The following ADGRL2 variants were observed in gnomAD, a reference collection of about 807,000 sequenced individuals.
The protein encoded by ADGRL2 is adhesion G protein-coupled receptor L2.
Under a neutral mutation model 157.4 loss-of-function variants are expected in ADGRL2, and 44 were observed. The observed-to-expected ratio is 0.28, with a 90% CI of 0.22 to 0.36. The LOEUF is 0.36. ADGRL2 is among the 10% of genes least tolerant of loss of function. The probability of loss-of-function intolerance (pLI) is 1.00; values close to 1 mark genes in which losing one functional copy is unlikely to be tolerated. For synonymous variants in ADGRL2, 585 were observed against 624.7 expected (o/e 0.94, Z 0.95); for missense variants, 1,510 against 1,768.9 (o/e 0.85, Z 2.63).
chr1:81,698,821 G>T (rs1189253487), upstream of ADGRL2, among the ~76,000 whole-genome samples: 2 of 152,030 alleles, frequency 1.3e-5, no homozygotes, highest in Non-Finnish European at 2.9e-5. Context: ...TCTAAAATCT[G>T]GTCTTGCTTC....
chr1:81,620,445 A>T (rs1171485910), intron 3 of ADGRL2, among the ~76,000 whole-genome samples: 2 of 152,264 alleles, frequency 1.3e-5, no homozygotes, highest in African/African-American at 2.4e-5. Flanking sequence ...ATGAAAGCAC[A>T]TGTAATACAC....
At chr1:81,387,978 A>G (rs2076467343) in intron 1 of ADGRL2, among the ~76,000 whole-genome samples, 1 of 151,876 alleles carries the variant, frequency 6.6e-6, no homozygotes, top group South Asian at 2.1e-4. Context: ...TCTCTGGCCT[A>G]CCATCATCAA....
intron 1 of ADGRL2, among the ~76,000 whole-genome samples, chr1:81,733,729 T>C (rs536648382): frequency 5.9e-5 from 9 of 152,286 alleles, no homozygotes; most frequent in African/African-American, 1.9e-4. Context: ...CTAATAGCTC[T>C]GTGCACTTGG....
At chr1:81,459,282 C>T (rs559500981) in intron 2 of ADGRL2, among the ~76,000 whole-genome samples, 5 of 152,140 alleles carry the variant, frequency 3.3e-5, no homozygotes, top group Non-Finnish European at 7.4e-5. Flanking sequence ...CCATCCCTGT[C>T]TGCCTAGGAA....
intron 1 of ADGRL2, among the ~76,000 whole-genome samples, chr1:81,376,609 A>C: frequency 8.4e-5 from 11 of 130,932 alleles, no homozygotes; most frequent in East Asian, 2.2e-4. Context: ...CTTTCCTCCC[A>C]TCCCTCTCTC....
intron 3 of ADGRL2, among the ~76,000 whole-genome samples, chr1:81,657,490 C>T (rs2082560664): frequency 1.3e-5 from 2 of 152,254 alleles, no homozygotes; most frequent in Non-Finnish European, 2.9e-5. Flanking sequence ...AACTAAGACA[C>T]ATGGCATATA....
At chr1:81,510,636 A>T (rs980271837) in intron 2 of ADGRL2, among the ~76,000 whole-genome samples, 3 of 152,238 alleles carry the variant, frequency 2.0e-5, no homozygotes, top group African/African-American at 7.2e-5. Context: ...CTATTATTAG[A>T]CATAGATTAT....
intron 17 of ADGRL2, among the ~76,000 whole-genome samples, chr1:81,977,177 C>T (rs1354063070): frequency 1.3e-5 from 2 of 151,796 alleles, no homozygotes; most frequent in African/African-American, 4.8e-5. Context: ...TATACAAGTG[C>T]TGCCTGCTAC....
At chr1:81,880,393 A>G (rs1287378737) in intron 2 of ADGRL2, among the ~76,000 whole-genome samples, 2 of 152,198 alleles carry the variant, frequency 1.3e-5, no homozygotes, top group Non-Finnish European at 2.9e-5. Flanking sequence ...TTTCTTAGAA[A>G]GTAATTTTAA....
intron 1 of ADGRL2, among the ~76,000 whole-genome samples, chr1:81,378,039 C>T (rs2076279840): frequency 1.3e-5 from 2 of 151,964 alleles, no homozygotes; most frequent in South Asian, 2.1e-4. Context: ...ATTAGCTGGG[C>T]GTGGTGGTGC....
At chr1:81,307,207 A>G (rs1659402524) in intron 1 of ADGRL2, among the ~76,000 whole-genome samples, 1 of 152,220 alleles carries the variant, frequency 6.6e-6, no homozygotes, top group South Asian at 2.1e-4. Context: ...TTTGTATAAC[A>G]CTGTTTGAGA....
At position 81,754,754 on chromosome 1, in the gene ADGRL2, G is replaced by A. The variant is rs187919186; in HGVS notation, c.-142-7057G>A. On this transcript the variant is annotated intron_variant, in intron 1 of 20. Coordinates refer to the ADGRL2 transcript ENST00000359929. ...TTTCTTTCAATAACACAGTGTAGTA[G>A]GTTCAACATGCAACTTTCTTGCTTT... 6.2e-5 allele frequency among the ~76,000 whole-genome samples: 9 copies of A among 145,432 alleles called. No individual in the cohort carries two copies. In the East Asian group the frequency reaches 1.9e-3, roughly 31 times the overall value.
intron 2 of ADGRL2, among the ~76,000 whole-genome samples, chr1:81,776,141 A>C (rs1389095275): frequency 9.9e-5 from 15 of 151,918 alleles, no homozygotes. Context: ...AATTCTGACT[A>C]TAAGTGGTTG....
chr1:81,711,579 G>T (rs1375956137), intron 1 of ADGRL2, among the ~76,000 whole-genome samples: 1 of 152,108 alleles, frequency 6.6e-6, no homozygotes, highest in African/African-American at 2.4e-5. Context: ...TTTGTTTGTT[G>T]TTTGTTTTGT....
chr1:81,781,515 T>C (rs1031921461), intron 2 of ADGRL2, among the ~76,000 whole-genome samples: 1 of 152,206 alleles, frequency 6.6e-6, no homozygotes, highest in South Asian at 2.1e-4. Context: ...AATGCAGCTT[T>C]AAATACTTCT....
chr1:81,953,916 A>G (rs1652633892), intron 10 of ADGRL2, among the ~76,000 whole-genome samples: 1 of 152,148 alleles, frequency 6.6e-6, no homozygotes, highest in African/African-American at 2.4e-5. Context: ...AAAAGGCATG[A>G]CTTCACTAAT....
chr1:81,912,058 CTTTTATTTTT>C (rs2094737582), intron 3 of ADGRL2, among the ~76,000 whole-genome samples: 1 of 151,182 alleles, frequency 6.6e-6, no homozygotes. Flanking sequence ...TATGATGTTT[CTTTTATTTTT>C]TTTTATTTTT....
At chr1:81,701,064 C>T (rs535674462) in intron 1 of ADGRL2, among the ~76,000 whole-genome samples, 9 of 152,182 alleles carry the variant, frequency 5.9e-5, no homozygotes, top group African/African-American at 9.7e-5. Context: ...ACGGCACACA[C>T]GGTGCCTGCA....
chr1:81,318,779 AAAATT>A (rs995139564), intron 1 of ADGRL2, among the ~76,000 whole-genome samples: 5 of 152,088 alleles, frequency 3.3e-5, no homozygotes, highest in African/African-American at 9.7e-5. Context: ...CTGGAGTCAT[AAAATT>A]CAGCATTGCT....
Sources: allele counts gnomAD v4.1 joint callset (sites outside exome capture counted in the v4.1 genomes callset), GRCh38; gene constraint gnomAD v4.1.1; transcripts MANE v1.5; gene names NCBI Gene and HGNC (gene_info 2026-07-23, HGNC 2026-07-21).